TERB2: variants seen among roughly 807,000 people sequenced by gnomAD.
The protein encoded by TERB2 is telomere repeat binding bouquet formation protein 2.
Under a neutral mutation model 29.8 loss-of-function variants are expected in TERB2, and 26 were observed. The observed-to-expected ratio is 0.87, with a 90% confidence interval of 0.64 to 1.21. TERB2 has a LOEUF of 1.21. Among genes scored for constraint, TERB2 ranks in the 50% most tolerant of loss-of-function variants. TERB2 has a pLI of 0.00. For missense variants in TERB2, 240 were observed against 268.6 expected (o/e 0.89, Z 0.74); for synonymous variants, 80 against 90.8 (o/e 0.88, Z 0.68).
chr15:44,975,759 TC>T (rs35096419), intron 6 of TERB2, among the ~76,000 whole-genome samples: 27,688 of 151,738 alleles, frequency 0.18, 2,943 homozygotes, highest in East Asian at 0.32. Context: ...TTGCCAAATA[TC>T]CCCCTAAATC....
At chr15:44,972,589 C>T (rs1156656995) in intron 5 of TERB2, among the ~76,000 whole-genome samples, 27 of 150,194 alleles carry the variant, frequency 1.8e-4, no homozygotes, top group Middle Eastern at 3.4e-3. Flanking sequence ...CATCTCAGCT[C>T]ACTGCAACCT....
At chr15:44,966,291 T>A in intron 5 of TERB2, 48 bp downstream of exon 5, 2 of 1,175,792 alleles carry the variant, frequency 1.7e-6, no homozygotes, top group Non-Finnish European at 2.3e-6. Context: ...TGTAGAAATC[T>A]GTGAGCACTG....
intron 4 of TERB2, among the ~76,000 whole-genome samples, chr15:44,964,218 C>A (rs544627173): frequency 1.3e-5 from 2 of 152,216 alleles, no homozygotes; most frequent in South Asian, 4.1e-4. Flanking sequence ...AAACCCACAG[C>A]CATATCATAT....
intron 3 of TERB2, among the ~76,000 whole-genome samples, chr15:44,959,282 A>T (rs1249134558): frequency 6.6e-6 from 1 of 152,008 alleles, no homozygotes; most frequent in African/African-American, 2.4e-5. Flanking sequence ...ACTGCTTCTG[A>T]GATTGGTTCT....
intron 4 of TERB2, among the ~76,000 whole-genome samples, chr15:44,965,480 ATATATTTATATAGATATATAT>A (rs1471117178): frequency 1.4e-5 from 2 of 144,038 alleles, no homozygotes; most frequent in African/African-American, 2.5e-5. Context: ...TTATAAAGAT[ATATATTTATATAGATATATAT>A]TATATTTATA....
chr15:44,962,180 G>C (rs1482583197), intron 4 of TERB2, among the ~76,000 whole-genome samples: 1 of 149,188 alleles, frequency 6.7e-6, no homozygotes, highest in Non-Finnish European at 1.5e-5. Context: ...GTATTTACCA[G>C]TTCTTTTTTT....
chr15:44,961,920 G>T (rs1211828938), intron 4 of TERB2, among the ~76,000 whole-genome samples: 2 of 152,010 alleles, frequency 1.3e-5, no homozygotes, highest in Non-Finnish European at 2.9e-5. Context: ...GGCTGTTCTC[G>T]AACTCTGGCC....
intron 3 of TERB2, among the ~76,000 whole-genome samples, chr15:44,958,728 T>C (rs1891759951): frequency 1.3e-5 from 2 of 152,272 alleles, no homozygotes; most frequent in Admixed American, 1.3e-4. Flanking sequence ...ATACATTCAT[T>C]GAGCTCTTCC....
At chr15:44,963,785 T>C (rs1891841165) in intron 4 of TERB2, among the ~76,000 whole-genome samples, 1 of 149,884 alleles carries the variant, frequency 6.7e-6, no homozygotes, top group African/African-American at 2.5e-5. Flanking sequence ...GAAAGGTATA[T>C]GGTATTTATT....
chr15:44,968,405 G>C (rs542923003), intron 5 of TERB2, among the ~76,000 whole-genome samples: 1 of 152,020 alleles, frequency 6.6e-6, no homozygotes, highest in African/African-American at 2.4e-5. Flanking sequence ...ATTTTTAGTA[G>C]AGACGGGGTT....
intron 6 of TERB2, among the ~76,000 whole-genome samples, chr15:44,977,098 A>AACACACACACACACACACACACAC (rs373706136): frequency 5.4e-5 from 8 of 148,790 alleles, no homozygotes; most frequent in South Asian, 2.1e-4. Context: ...ACCCTGTCAA[A>AACACACACACACACACACACACAC]ACACACACAC....
At chr15:44,964,862 T>C (rs1235075845) in intron 4 of TERB2, among the ~76,000 whole-genome samples, 3 of 152,082 alleles carry the variant, frequency 2.0e-5, no homozygotes, top group South Asian at 2.1e-4. Context: ...TATTTAAATA[T>C]AGAAACTTCT....
chr15:44,971,298 C>G (rs1236027744), intron 5 of TERB2: 2 of 152,176 alleles, frequency 1.3e-5, no homozygotes, highest in African/African-American at 2.4e-5. Flanking sequence ...TCCACTTAAC[C>G]AGCGAAAGCA....
In TERB2 at chr15:44,966,060, A is replaced by T. The variant is rs527473923; in HGVS notation, c.349-98A>T. 103 of 583,342 alleles carry T rather than the reference A, an allele frequency of 1.8e-4. 1 individual carries two copies. The East Asian group carries it at 3.6e-3, about 21-fold the overall frequency. 36.1% of individuals were successfully genotyped at this position (583,342 alleles called of 1,614,324 possible). On this transcript the variant is annotated intron_variant, in intron 4 of 6. Coordinates refer to ENST00000340827, the MANE Select transcript of TERB2 (RefSeq NM_152448.3). ...TGTAAATATTTTTATGGCTTTTGAGATATATATTTCCAGTTTATTTTTCCT... is the reference window on the plus strand; with the variant it reads ...TGTAAATATTTTTATGGCTTTTGAGTTATATATTTCCAGTTTATTTTTCCT...
At chr15:44,957,225 AC>A (rs762038105) in intron 2 of TERB2, among the ~76,000 whole-genome samples, 1 of 151,576 alleles carries the variant, frequency 6.6e-6, no homozygotes, top group South Asian at 2.1e-4. Context: ...AAAAAAAAAA[AC>A]ATAAATAAAG....
chr15:44,959,296 A>G (rs1300581012), intron 3 of TERB2, among the ~76,000 whole-genome samples: 1 of 152,024 alleles, frequency 6.6e-6, no homozygotes, highest in Admixed American at 6.6e-5. Context: ...TGGTTCTTTT[A>G]ATTTTCCCTG....
At chr15:44,973,650 T>G (rs1892002519) in intron 5 of TERB2, 1 of 229,018 alleles carries the variant, frequency 4.4e-6, no homozygotes, top group African/African-American at 2.3e-5. Context: ...TTGTGAAGCA[T>G]TCTATATATT....
At chr15:44,961,662 T>A (rs1161437421) in intron 4 of TERB2, 78 bp downstream of exon 4, 4 of 983,574 alleles carry the variant, frequency 4.1e-6, no homozygotes, top group Non-Finnish European at 4.6e-6. Flanking sequence ...TTAAAATGTT[T>A]ATTTGTGACA....
rs769886013 is a variant in TERB2, at chr15:44,966,213, C to A, written c.404C>A (p.Ala135Glu). Reference sequence around the variant, plus strand: ...ACCCTTAGGGAAAACAGTGAACTAGCAACAGAGCACAAAAAAGAATTATCC... The same window carrying A: ...ACCCTTAGGGAAAACAGTGAACTAGAAACAGAGCACAAAAAAGAATTATCC... ...IKTLRENSEL[A>E]TEHKKELSKS... Residue 135 changes from alanine to glutamate, a missense_variant, in exon 5 of 7, where the codon GCA becomes GAA. Coordinates refer to ENST00000340827, the MANE Select transcript of TERB2 (RefSeq NM_152448.3). 1.9e-6 allele frequency: 3 copies of A among 1,561,856 alleles called. No homozygotes were observed. The highest frequency in any genetic ancestry group is 2.6e-6 in the Non-Finnish European group (3 of 1,158,044).
Sources: allele counts gnomAD v4.1 joint callset (sites outside exome capture counted in the v4.1 genomes callset), GRCh38; gene constraint gnomAD v4.1.1; transcripts MANE v1.5; gene names NCBI Gene and HGNC (gene_info 2026-07-23, HGNC 2026-07-21).